KIAA0319: variants seen among roughly 807,000 people sequenced by gnomAD.
The protein encoded by KIAA0319 is dyslexia-associated protein KIAA0319.
KIAA0319 carries 83 observed loss-of-function variants against 108.4 expected under a neutral mutation model. That is an observed-to-expected ratio of 0.77 (90% CI 0.64 to 0.92). The LOEUF (loss-of-function observed/expected upper bound fraction) is 0.92, where lower values mean the gene tolerates loss of function less well. Among genes scored for constraint, KIAA0319 ranks in the 40% least tolerant of loss-of-function variants. The pLI, the probability that KIAA0319 is intolerant of heterozygous loss-of-function variation, is 0.00. For missense variants in KIAA0319, 1,195 were observed against 1,322.4 expected (o/e 0.90, Z 1.49); for synonymous variants, 484 against 510.4 (o/e 0.95, Z 0.70).
In KIAA0319 at chr6:24,569,943, C is replaced by T. The variant is rs1247839494; in HGVS notation, c.1951G>A (p.Asp651Asn). Residue 651 changes from aspartate (D) to asparagine (N), a missense_variant, in exon 12 of 21, where the codon GAT becomes AAT. By Grantham distance (23) the Asp-to-Asn change is conservative (BLOSUM62 1). Coordinates refer to ENST00000378214, the MANE Select transcript of KIAA0319 (RefSeq NM_014809.4). ...TGGTAGAAGACAATGCCGTGGTCAT[C>T]GCTGCTGCTGCTCCCATCCAGGGTA... is the stretch of plus-strand genomic sequence containing the variant. The part of the protein sequence containing the change: ...SATLDGSSSS[D>N]DHGIVFYHWE... 10 of 1,614,028 alleles carry T rather than the reference C, an allele frequency of 6.2e-6. No homozygotes were observed. Among genetic ancestry groups the T allele is most frequent in the South Asian group, 2.2e-5 (2 of 91,090 alleles).
chr6:24,540,267 C>T (rs1760154711), downstream of KIAA0319, among the ~76,000 whole-genome samples: 1 of 152,204 alleles, frequency 6.6e-6, no homozygotes, highest in African/African-American at 2.4e-5. Context: ...TCTTATACAA[C>T]TGAGAATGCA....
chr6:24,590,263 G>C (rs1334687510), intron 3 of KIAA0319, among the ~76,000 whole-genome samples: 1 of 149,286 alleles, frequency 6.7e-6, no homozygotes, highest in Non-Finnish European at 1.5e-5. Context: ...TAGGCAACTG[G>C]TGAAACCTGC....
At chr6:24,588,183 G>A (rs1309872510) in intron 4 of KIAA0319, among the ~76,000 whole-genome samples, 1 of 152,218 alleles carries the variant, frequency 6.6e-6, no homozygotes, top group Non-Finnish European at 1.5e-5. Context: ...TAAATACAAT[G>A]ATCACGATTG....
At chr6:24,595,012 C>A (rs1038882360) in intron 3 of KIAA0319, among the ~76,000 whole-genome samples, 1 of 152,178 alleles carries the variant, frequency 6.6e-6, no homozygotes, top group African/African-American at 2.4e-5. Context: ...TTTGAAATCG[C>A]TCCACTGCAG....
At chr6:24,640,580 T>G (rs1776786854) in intron 1 of KIAA0319, among the ~76,000 whole-genome samples, 1 of 152,172 alleles carries the variant, frequency 6.6e-6, no homozygotes, top group African/African-American at 2.4e-5. Context: ...TAGTAGGTGG[T>G]GGGGGCATAT....
At position 24,546,754 on chromosome 6, in the gene KIAA0319, A is replaced by T. The variant is rs1012358954; in HGVS notation, c.*411T>A. ...CAGCCATCTGACTGCAGGTCCTACA[A>T]GAGAAACCGTGTTTAGAATGCTGTT... On this transcript the variant is annotated 3_prime_UTR_variant, in exon 21 of 21. Coordinates refer to ENST00000378214, the MANE Select transcript of KIAA0319 (RefSeq NM_014809.4). 1.1e-5 allele frequency: 2 copies of T among 174,074 alleles called. No individual in the cohort carries two copies. Among genetic ancestry groups the T allele is most frequent in the Admixed American group, 5.5e-5 (1 of 18,188 alleles). 10.8% of individuals were successfully genotyped at this position (174,074 alleles called of 1,614,324 possible). A position where few individuals can be genotyped will look rare whatever the true frequency, so the allele number is the denominator to read the frequency against.
intron 13 of KIAA0319, among the ~76,000 whole-genome samples, chr6:24,567,556 CT>C (rs761575156): frequency 6.6e-6 from 1 of 152,032 alleles, no homozygotes; most frequent in African/African-American, 2.4e-5. Flanking sequence ...TAAAAATCAG[CT>C]GGGCATGGTA....
At chr6:24,588,853 A>C in intron 3 of KIAA0319, 68 bp from the exon 4 acceptor site, 2 of 1,274,952 alleles carry the variant, frequency 1.6e-6, no homozygotes, top group Non-Finnish European at 2.2e-6. Flanking sequence ...AAGCAACTCA[A>C]TGTTACCAAC....
At chr6:24,645,381 G>C (rs1487248976) in intron 1 of KIAA0319, among the ~76,000 whole-genome samples, 3 of 152,180 alleles carry the variant, frequency 2.0e-5, no homozygotes, top group African/African-American at 7.2e-5. Context: ...AGAAGAGAAA[G>C]ATTTTAAGCT....
At chr6:24,630,327 G>A (rs779942461) in intron 1 of KIAA0319, among the ~76,000 whole-genome samples, 1 of 151,444 alleles carries the variant, frequency 6.6e-6, no homozygotes, top group Non-Finnish European at 1.5e-5. Flanking sequence ...TGGCCAATAT[G>A]GTGAAACCCT....
intron 1 of KIAA0319, among the ~76,000 whole-genome samples, chr6:24,639,056 AT>A (rs936698023): frequency 1.3e-5 from 2 of 152,226 alleles, no homozygotes; most frequent in Non-Finnish European, 2.9e-5. Flanking sequence ...AATACAGCCA[AT>A]TTTTATTTGT....
intron 3 of KIAA0319, among the ~76,000 whole-genome samples, chr6:24,589,145 A>G (rs1768029835): frequency 6.6e-6 from 1 of 152,116 alleles, no homozygotes; most frequent in Non-Finnish European, 1.5e-5. Context: ...CTAACCCTCA[A>G]TGTGATAGTA....
intron 1 of KIAA0319, among the ~76,000 whole-genome samples, chr6:24,621,539 T>G (rs1358867419): frequency 6.6e-6 from 1 of 152,056 alleles, no homozygotes; most frequent in Non-Finnish European, 1.5e-5. Context: ...AAGCTCAAAA[T>G]AAAAAAGAAA....
chr6:24,566,470 T>C, intron 14 of KIAA0319, 127 bp downstream of exon 14: 1 of 772,028 alleles, frequency 1.3e-6, no homozygotes, highest in Middle Eastern at 3.8e-4. Context: ...TTAAGTTCTG[T>C]TGTTTAAGCC....
intron 1 of KIAA0319, among the ~76,000 whole-genome samples, chr6:24,618,597 CCT>C (rs1447928866): frequency 6.6e-6 from 1 of 151,810 alleles, no homozygotes; most frequent in Non-Finnish European, 1.5e-5. Flanking sequence ...AGAGCAAGAC[CCT>C]GTCTCAAAAG....
chr6:24,629,701 G>A (rs9358778), intron 1 of KIAA0319, among the ~76,000 whole-genome samples: 106,739 of 151,470 alleles, frequency 0.7, 38,206 homozygotes, highest in East Asian at 0.87. Flanking sequence ...TGCTGTCCCC[G>A]TGGCTGCTGC....
rs1289902706 is a variant in KIAA0319 at position 24,578,244 on chromosome 6, T to C, written c.1373-2A>G. ...CTATTTCAGTATCATCTGTACTTTC[T>C]ACAAGATTAAGAAATAAAGACAAGA... On this transcript the variant is annotated splice_acceptor_variant, in intron 8 of 20. Transcript: ENST00000378214. LOFTEE classifies it high-confidence loss of function. 1.3e-6 allele frequency: 2 copies of C among 1,582,170 alleles called. No individual in the cohort carries two copies. Among genetic ancestry groups the C allele is most frequent in the East Asian group, 4.5e-5 (2 of 44,654 alleles).
chr6:24,605,531 T>C (rs889801000), intron 1 of KIAA0319, among the ~76,000 whole-genome samples: 4 of 152,194 alleles, frequency 2.6e-5, no homozygotes, highest in Non-Finnish European at 5.9e-5. Flanking sequence ...AGAATTTACA[T>C]AGAAAGCCTG....
intron 13 of KIAA0319, 141 bp from the exon 14 acceptor site, chr6:24,566,889 T>G: frequency 1.5e-6 from 1 of 663,466 alleles, no homozygotes; most frequent in Non-Finnish European, 2.4e-6. Context: ...AGGCATTTTT[T>G]TCCCCAGATG....
Sources: allele counts gnomAD v4.1 joint callset (sites outside exome capture counted in the v4.1 genomes callset), GRCh38; gene constraint gnomAD v4.1.1; transcripts MANE v1.5; gene names NCBI Gene and HGNC (gene_info 2026-07-23, HGNC 2026-07-21).